Variants in KCNIP1 observed in about 807,000 individuals in gnomAD.
KCNIP1 encodes the protein A-type potassium channel modulatory protein KCNIP1.
A neutral mutation model predicts 33.0 loss-of-function variants in KCNIP1; 18 were observed. The ratio of observed to expected loss-of-function variants is 0.55; its 90% CI spans 0.38 to 0.81. KCNIP1 has a LOEUF of 0.81. KCNIP1 is among the 30% of genes least tolerant of loss of function. The probability of loss-of-function intolerance (pLI) is 0.00; values close to 1 mark genes in which losing one functional copy is unlikely to be tolerated. For synonymous variants in KCNIP1, 93 were observed against 98.3 expected, an observed-to-expected ratio of 0.95 and a Z score of 0.32; for missense variants, 238 against 271.6, an observed-to-expected ratio of 0.88 and a Z score of 0.87.
chr5:170,718,745 C>A lies in KCNIP1; in HGVS notation c.62-13C>A. 1 of 1,612,958 alleles carries A rather than the reference C, an allele frequency of 6.2e-7. No individual in the cohort carries two copies. The highest frequency in any genetic ancestry group is 8.5e-7 in the Non-Finnish European group (1 of 1,179,546). Reference sequence around the variant, plus strand: ...AAGCTCAACCATTCCAATGCCATCTCCTCTGGTTCCAGATAAGATTGAAGA... The same window carrying A: ...AAGCTCAACCATTCCAATGCCATCTACTCTGGTTCCAGATAAGATTGAAGA... On this transcript the variant is annotated splice_polypyrimidine_tract_variant and intron_variant, in intron 1 of 7. Transcript: ENST00000328939.
intron 1 of KCNIP1, chr5:170,385,556 T>C (rs904170868): frequency 1.7e-6 from 2 of 1,210,848 alleles, no homozygotes; most frequent in Non-Finnish European, 2.4e-6. Flanking sequence ...GAGGGGAAGG[T>C]ACTCAACTAT....
At chr5:170,549,148 C>A (rs1384187869) in intron 1 of KCNIP1, among the ~76,000 whole-genome samples, 1 of 152,192 alleles carries the variant, frequency 6.6e-6, no homozygotes, top group Non-Finnish European at 1.5e-5. Context: ...GAAAAAAAAT[C>A]TCACCTGGGC....
At chr5:170,557,622 T>C (rs1418297061) in intron 1 of KCNIP1, among the ~76,000 whole-genome samples, 5 of 152,178 alleles carry the variant, frequency 3.3e-5, no homozygotes, top group African/African-American at 1.2e-4. Context: ...GAAGGCCTCG[T>C]GGACAACATC....
chr5:170,645,068 A>G (rs933829547), intron 1 of KCNIP1, among the ~76,000 whole-genome samples: 7 of 152,314 alleles, frequency 4.6e-5, no homozygotes, highest in Admixed American at 4.6e-4. Context: ...AATGAAGGAT[A>G]GGTGTAGATC....
upstream of KCNIP1, among the ~76,000 whole-genome samples, chr5:170,499,547 GTGTT>G (rs1757372542): frequency 6.6e-6 from 1 of 152,226 alleles, no homozygotes; most frequent in Admixed American, 6.5e-5. Flanking sequence ...GGCAAGCTCA[GTGTT>G]TGAACCCAAT....
intron 1 of KCNIP1, among the ~76,000 whole-genome samples, chr5:170,509,539 CAAAT>C (rs1352975222): frequency 4.6e-5 from 7 of 152,068 alleles, no homozygotes; most frequent in Non-Finnish European, 1.0e-4. Flanking sequence ...TATGCTTTAA[CAAAT>C]AAGTGAAAAG....
chr5:170,682,100 C>T (rs1255094994), intron 1 of KCNIP1, among the ~76,000 whole-genome samples: 3 of 152,210 alleles, frequency 2.0e-5, no homozygotes, highest in Non-Finnish European at 4.4e-5. Context: ...TAATGAAATG[C>T]ATTTGTAGAC....
At chr5:170,655,712 A>T (rs1241846630) in intron 1 of KCNIP1, among the ~76,000 whole-genome samples, 1 of 152,156 alleles carries the variant, frequency 6.6e-6, no homozygotes, top group Non-Finnish European at 1.5e-5. Context: ...TTTCCACTCC[A>T]CTTCTGACTT....
At chr5:170,609,287 A>G (rs1002363332) in intron 1 of KCNIP1, among the ~76,000 whole-genome samples, 2 of 152,176 alleles carry the variant, frequency 1.3e-5, no homozygotes, top group African/African-American at 2.4e-5. Context: ...TAATTATAAT[A>G]ATCACTTGCA....
At chr5:170,363,172 A>G (rs566510664) in intron 1 of KCNIP1, among the ~76,000 whole-genome samples, 80 of 152,324 alleles carry the variant, frequency 5.3e-4, no homozygotes, top group Non-Finnish European at 8.8e-4. Flanking sequence ...GAGAGGCTGA[A>G]TAACTTGCCA....
At chr5:170,478,538 T>C (rs1489664039) in intron 1 of KCNIP1, among the ~76,000 whole-genome samples, 3 of 152,054 alleles carry the variant, frequency 2.0e-5, no homozygotes, top group East Asian at 3.9e-4. Flanking sequence ...CCCTAGGGAC[T>C]CTGAACTCAG....
rs1763788192 is a variant in KCNIP1 at position 170,720,635 on chromosome 5, C to T, written c.256+245C>T. On this transcript the variant is annotated intron_variant, in intron 3 of 7. Coordinates refer to ENST00000328939, the MANE Select transcript of KCNIP1 (RefSeq NM_014592.4). ...AATGCAACATCACAACGTCTCAGAA[C>T]AGCTCTAGAAAGCAGGTATTATAAT... Among the ~76,000 whole-genome samples, 2 of 152,200 alleles carry T rather than the reference C, an allele frequency of 1.3e-5. 1 individual carries two copies. The highest frequency in any genetic ancestry group is 4.1e-4 in the South Asian group (2 of 4,832).
intron 1 of KCNIP1, among the ~76,000 whole-genome samples, chr5:170,612,452 G>A (rs574999872): frequency 1.6e-4 from 24 of 152,314 alleles, no homozygotes; most frequent in African/African-American, 5.5e-4. Context: ...TAATGGGGAT[G>A]ACTAGAGAGG....
At chr5:170,644,704 G>T (rs941310428) in intron 1 of KCNIP1, among the ~76,000 whole-genome samples, 1 of 152,260 alleles carries the variant, frequency 6.6e-6, no homozygotes, top group Non-Finnish European at 1.5e-5. Context: ...GGGGACACTG[G>T]CTGGAAGCCC....
At chr5:170,676,264 A>G (rs566207838) in intron 1 of KCNIP1, among the ~76,000 whole-genome samples, 2 of 152,216 alleles carry the variant, frequency 1.3e-5, no homozygotes, top group East Asian at 3.9e-4. Context: ...TATCATTATT[A>G]TTGTGCAATT....
chr5:170,390,517 A>AATAT lies in KCNIP1; in HGVS notation c.88+36572_88+36575dup, dbSNP rs1554088940. Among the ~76,000 whole-genome samples, 180 of 74,456 alleles carry AATAT rather than the reference A, an allele frequency of 2.4e-3. 3 individuals are homozygous for AATAT. The highest frequency in any genetic ancestry group is 4.4e-3 in the South Asian group (10 of 2,262). 48.8% of individuals were successfully genotyped at this position (74,456 alleles called of 152,430 possible). ...GACCCCGTCTCAAAAAAAAAAAACA[A>AATAT]ATATATATATATATATATATATTTT... On this transcript the variant is annotated intron_variant, in intron 1 of 7. Transcript: ENST00000377360.
chr5:170,560,454 C>CTCTCACCTCGTGACCTTGGGCA (rs1756996486), intron 1 of KCNIP1, among the ~76,000 whole-genome samples: 1 of 152,066 alleles, frequency 6.6e-6, no homozygotes, highest in Non-Finnish European at 1.5e-5. Context: ...GACCTTGAGC[C>CTCTCACCTCGTGACCTTGGGCA]TCTCACCTCG....
At chr5:170,720,518 C>A in intron 3 of KCNIP1, 128 bp downstream of exon 3, 1 of 731,382 alleles carries the variant, frequency 1.4e-6, no homozygotes, top group Middle Eastern at 2.3e-4. Context: ...GGGCAGGACA[C>A]CTCCCTCATC....
At chr5:170,717,371 A>G (rs1036531147) in intron 1 of KCNIP1, among the ~76,000 whole-genome samples, 7 of 152,184 alleles carry the variant, frequency 4.6e-5, no homozygotes, top group Non-Finnish European at 7.3e-5. Context: ...CTCTGTAAGA[A>G]TTATGAATTC....
Sources: gnomAD v4.1 joint callset for allele counts (sites outside exome capture counted in the v4.1 genomes callset) on GRCh38, gnomAD v4.1.1 for gene constraint, MANE v1.5 for transcripts, NCBI Gene and HGNC (gene_info 2026-07-23, HGNC 2026-07-21) for gene names.